Variants in CLIP1 observed in about 807,000 individuals in gnomAD.
CLIP1 encodes CAP-Gly domain-containing linker protein 1.
In CLIP1, 66 loss-of-function variants were observed where a neutral mutation model predicts 161.6. The ratio of observed to expected loss-of-function variants is 0.41; its 90% CI spans 0.33 to 0.50. The LOEUF is 0.50. Among genes scored for constraint, CLIP1 ranks in the 20% least tolerant of loss-of-function variants. CLIP1 has a pLI of 0.27. For synonymous variants in CLIP1, 598 were observed against 626.2 expected, an observed-to-expected ratio of 0.96 and a Z score of 0.67; for missense variants, 1,376 against 1,702.0, an observed-to-expected ratio of 0.81 and a Z score of 3.37.
chr12:122,386,516 AT>A (rs1229597157), intron 1 of CLIP1, among the ~76,000 whole-genome samples: 3 of 152,186 alleles, frequency 2.0e-5, no homozygotes, highest in Non-Finnish European at 4.4e-5. Context: ...AAAAATAGGC[AT>A]TTGGATAGTC....
intron 20 of CLIP1, among the ~76,000 whole-genome samples, chr12:122,294,339 A>C (rs1245329425): frequency 7.0e-5 from 10 of 143,288 alleles, no homozygotes; most frequent in Admixed American, 3.6e-4. Flanking sequence ...AAAAAAAAAA[A>C]AAAACAAAAA....
intron 19 of CLIP1, among the ~76,000 whole-genome samples, chr12:122,312,732 T>C (rs1251352968): frequency 2.6e-5 from 4 of 152,094 alleles, no homozygotes; most frequent in African/African-American, 9.7e-5. Context: ...GCCACTGTAC[T>C]CTAGCTAGGG....
intron 1 of CLIP1, among the ~76,000 whole-genome samples, chr12:122,403,186 G>A (rs1397927592): frequency 1.3e-5 from 2 of 152,170 alleles, no homozygotes; most frequent in Non-Finnish European, 2.9e-5. Context: ...CTCGAGCCAG[G>A]AATAATTTAA....
rs189222524 is a variant in CLIP1, at chr12:122,384,653, C to T, written c.-106-4095G>A. On this transcript the variant is annotated intron_variant, in intron 1 of 25. Coordinates refer to ENST00000620786, the MANE Select transcript of CLIP1 (RefSeq NM_001247997.2). ...GCGGGCGCTTGTAATCCCAGCTACT[C>T]AGGAGGCTGAGGTGGGAGAATCGCT... 5.0e-3 allele frequency among the ~76,000 whole-genome samples: 762 copies of T among 151,852 alleles called. 7 individuals are homozygous for T. Among genetic ancestry groups the T allele is most frequent in the African/African-American group, 0.018 (728 of 41,410 alleles).
chr12:122,308,603 T>C lies in CLIP1; in HGVS notation c.3594+1159A>G, dbSNP rs193024025. ...CGCCAAATGATGCTGAACAAATTAC[T>C]ATCATCTTTGTGCTTCCGTTTCCCC... is the stretch of plus-strand genomic sequence containing the variant. On this transcript the variant is annotated intron_variant, in intron 20 of 25. Transcript: ENST00000620786. Among the ~76,000 whole-genome samples, 424 of 152,364 alleles carry C rather than the reference T, an allele frequency of 2.8e-3. 3 individuals carry two copies. The highest frequency in any genetic ancestry group is 4.5e-3 in the Non-Finnish European group (306 of 68,034).
At chr12:122,335,967 A>T (rs1287168326) in intron 12 of CLIP1, among the ~76,000 whole-genome samples, 1 of 152,070 alleles carries the variant, frequency 6.6e-6, no homozygotes, top group Non-Finnish European at 1.5e-5. Flanking sequence ...TTTTCTTTCC[A>T]TGGCATGTGG....
In CLIP1 at chr12:122,293,863, G is replaced by A. The variant is rs193215398; in HGVS notation, c.3595-5322C>T. Among the ~76,000 whole-genome samples, 344 of 148,752 alleles carry A rather than the reference G, an allele frequency of 2.3e-3. 6 individuals are homozygous for A. The highest frequency in any genetic ancestry group is 6.1e-3 in the African/African-American group (244 of 40,086). On this transcript the variant is annotated intron_variant, in intron 20 of 25. Transcript: ENST00000620786. ...TCTGTTGCCCAGGCTGGAGTGCAGC[G>A]GCGCAATCTCGGCTCACTGCAAGCT...
At chr12:122,302,349 G>GCCTCGGC (rs974813062) in intron 20 of CLIP1, among the ~76,000 whole-genome samples, 1 of 152,012 alleles carries the variant, frequency 6.6e-6, no homozygotes, top group Non-Finnish European at 1.5e-5. Context: ...TGATTTGCCT[G>GCCTCGGC]CCTCGGCCTC....
At chr12:122,320,032 T>C (rs1433307694) in intron 17 of CLIP1, among the ~76,000 whole-genome samples, 2 of 152,002 alleles carry the variant, frequency 1.3e-5, no homozygotes, top group Non-Finnish European at 2.9e-5. Flanking sequence ...CCCAGCACTT[T>C]GGGAGGCCGA....
In CLIP1 at chr12:122,347,467, G is replaced by T; in HGVS notation, c.1414C>A (p.Leu472Met). ...AGCTCCTTAATGCGGGCATGCTCCA[G>T]TTTGGTCTGCGTCTGTTAGTAAAAA... ...SEDPENTQTK[L>M]EHARIKELEQ... Residue 472 changes from leucine (L) to methionine (M), a missense_variant, in exon 10 of 26, where the codon CTG (leucine) becomes ATG (methionine). Physicochemically the swap from Leu to Met is conservative, Grantham distance 15. This residue lies in a region of CLIP1 where 948 missense variants were observed against 1,134.8 expected (regional missense o/e 0.84). Coordinates refer to ENST00000620786, the MANE Select transcript of CLIP1 (RefSeq NM_001247997.2). The T allele has an allele frequency of 6.2e-7, 1 of 1,613,286 alleles. No homozygotes were observed. Among genetic ancestry groups the T allele is most frequent in the Non-Finnish European group, 8.5e-7 (1 of 1,179,284 alleles).
chr12:122,286,734 C>CA (rs1262949672), intron 21 of CLIP1, among the ~76,000 whole-genome samples: 1 of 151,892 alleles, frequency 6.6e-6, no homozygotes, highest in Non-Finnish European at 1.5e-5. Flanking sequence ...TGCGGTGGCT[C>CA]ACGCCTGTAA....
At chr12:122,365,559 A>C in intron 3 of CLIP1, 1 of 1,196,672 alleles carries the variant, frequency 8.4e-7, no homozygotes, top group Non-Finnish European at 1.2e-6. Context: ...CCACCCAGAG[A>C]AGCACACTTT....
At position 122,279,196 on chromosome 12, in the gene CLIP1, A is replaced by G. The variant is rs2136224491; in HGVS notation, c.3648-51T>C. ...CCACAAATCAACCGAAAGACTGGTC[A>G]GTGTACAACTGTTCTAGAACAAACA... is the stretch of plus-strand genomic sequence containing the variant. On this transcript the variant is annotated intron_variant, in intron 21 of 25. Transcript: ENST00000620786. The surrounding 1 kb of genome is among the most constrained non-coding windows in gnomAD (Gnocchi z 4.5). 1 of 1,177,998 alleles carries G rather than the reference A, an allele frequency of 8.5e-7. No homozygotes were observed. Among genetic ancestry groups the G allele is most frequent in the Non-Finnish European group, 1.2e-6 (1 of 814,272 alleles). 73.0% of individuals were successfully genotyped at this position (1,177,998 alleles called of 1,614,324 possible). A position where few individuals can be genotyped will look rare whatever the true frequency, so the allele number is the denominator to read the frequency against.
chr12:122,330,695 G>T (rs1424866969), intron 15 of CLIP1, among the ~76,000 whole-genome samples: 1 of 142,236 alleles, frequency 7.0e-6, no homozygotes, highest in Non-Finnish European at 1.5e-5. Context: ...TGCCTCCCAG[G>T]TTCAAATGAT....
At chr12:122,322,029 G>A (rs567531793) in intron 17 of CLIP1, 1 of 152,592 alleles carries the variant, frequency 6.6e-6, no homozygotes, top group East Asian at 1.9e-4. Flanking sequence ...AAGCAGAAAT[G>A]AAGAAAGATG....
intron 20 of CLIP1, among the ~76,000 whole-genome samples, chr12:122,300,939 T>TA (rs1950656119): frequency 6.6e-6 from 1 of 152,188 alleles, no homozygotes; most frequent in African/African-American, 2.4e-5. Context: ...CAGTATCACT[T>TA]ATATAGTCTT....
intron 5 of CLIP1, among the ~76,000 whole-genome samples, chr12:122,357,144 A>G (rs892927991): frequency 4.7e-5 from 7 of 150,506 alleles, no homozygotes; most frequent in Admixed American, 2.0e-4. Context: ...CATCTCATCT[A>G]GAAGTGAGGA....
chr12:122,279,185 A>G lies in CLIP1; in HGVS notation c.3648-40T>C, dbSNP rs367900505. ...AGTTAAAAGTTCCACAAATCAACCG[A>G]AAGACTGGTCAGTGTACAACTGTTC... is the stretch of plus-strand genomic sequence containing the variant. On this transcript the variant is annotated intron_variant, in intron 21 of 25. Coordinates refer to ENST00000620786, the MANE Select transcript of CLIP1 (RefSeq NM_001247997.2). The surrounding 1 kb of genome is among the most constrained non-coding windows in gnomAD (Gnocchi z 4.5). 6 of 1,350,798 alleles carry G rather than the reference A, an allele frequency of 4.4e-6. No individual in the cohort carries two copies. Among genetic ancestry groups the G allele is most frequent in the East Asian group, 4.6e-5 (2 of 43,626 alleles). 83.7% of individuals were successfully genotyped at this position (1,350,798 alleles called of 1,614,324 possible).
At chr12:122,300,835 C>A (rs1267829260) in intron 20 of CLIP1, among the ~76,000 whole-genome samples, 4 of 151,872 alleles carry the variant, frequency 2.6e-5, no homozygotes, top group Non-Finnish European at 5.9e-5. Context: ...TTCTTTTTAC[C>A]TTGCAAATGT....
Sources: gnomAD v4.1 joint callset for allele counts (sites outside exome capture counted in the v4.1 genomes callset) on GRCh38, gnomAD v4.1.1 for gene constraint, gnomAD v4.1.1 regional missense constraint, Gnocchi (gnomAD v3.1) non-coding constraint, MANE v1.5 for transcripts, NCBI Gene and HGNC (gene_info 2026-07-23, HGNC 2026-07-21) for gene names.